Variants in NDUFS7 observed in about 807,000 individuals in gnomAD.
NDUFS7 encodes NADH:ubiquinone oxidoreductase core subunit S7.
Under a neutral mutation model 31.1 loss-of-function variants are expected in NDUFS7, and 11 were observed. The ratio of observed to expected loss-of-function variants is 0.35; its 90% CI spans 0.22 to 0.59. NDUFS7 has a LOEUF of 0.59. Among genes scored for constraint, NDUFS7 ranks in the 20% least tolerant of loss-of-function variants. The probability of loss-of-function intolerance (pLI) is 0.79; values close to 1 mark genes in which losing one functional copy is unlikely to be tolerated. For missense variants in NDUFS7, 263 were observed against 324.2 expected (o/e 0.81, Z 1.45); for synonymous variants, 136 against 127.9 (o/e 1.06, Z -0.43).
intron 4 of NDUFS7, chr19:1,390,499 C>T (rs62127623): frequency 0.12 from 40,921 of 353,786 alleles, 2,896 homozygotes; most frequent in South Asian, 0.14. Flanking sequence ...GTATGTGGAC[C>T]CAGATCTAGT....
chr19:1,389,900 T>C (rs546336534), intron 4 of NDUFS7: 1 of 209,448 alleles, frequency 4.8e-6, no homozygotes, highest in Admixed American at 5.5e-5. Flanking sequence ...TCTTTTTCTT[T>C]TCTTTTCTTT....
At chr19:1,386,979 A>C (rs1007145820) in intron 1 of NDUFS7, 1 of 152,406 alleles carries the variant, frequency 6.6e-6, no homozygotes, top group Non-Finnish European at 1.5e-5. Flanking sequence ...CCTCCCGCTG[A>C]GTGCCCCGGG....
At chr19:1,388,210 G>A (rs2144612192) in intron 2 of NDUFS7, 1 of 588,182 alleles carries the variant, frequency 1.7e-6, no homozygotes, top group East Asian at 2.8e-5. Context: ...CATGCCCAGG[G>A]ATCTTACCTT....
rs2082589933 is a variant in NDUFS7 at position 1,395,390 on chromosome 19, G to A, written c.545-1G>A. ...GCGAGACTGAGGCAAGGTCCCTGCA[G>A]GCTGCCCACCTACGGCCGAGGCCCT... On this transcript the variant is annotated splice_acceptor_variant, in intron 7 of 7. Coordinates refer to ENST00000233627, the MANE Select transcript of NDUFS7 (RefSeq NM_024407.5). LOFTEE classifies it high-confidence loss of function. 6.3e-7 allele frequency: 1 copy of A among 1,599,468 alleles called. No homozygotes were observed. The highest frequency in any genetic ancestry group is 8.5e-7 in the Non-Finnish European group (1 of 1,174,898).
At chr19:1,389,151 T>C (rs976049550) in intron 4 of NDUFS7, 2 of 701,522 alleles carry the variant, frequency 2.9e-6, no homozygotes, top group Non-Finnish European at 5.2e-6. Context: ...ATATGCACAC[T>C]CGCACACATG....
intron 1 of NDUFS7, chr19:1,384,205 G>A: frequency 2.0e-6 from 1 of 500,634 alleles, no homozygotes; most frequent in South Asian, 3.0e-5. Context: ...TCGGGGTGGA[G>A]GCTGGAGGGG....
rs2082529146 is a variant in NDUFS7, at chr19:1,388,913, A to G, written c.203A>G (p.Asp68Gly). 3.1e-6 allele frequency: 5 copies of G among 1,609,602 alleles called. No individual in the cohort carries two copies. The South Asian group carries it at 5.5e-5, about 18-fold the overall frequency. The change falls in exon 4 of 8, where the codon GAT becomes GGT. Residue 68 changes from aspartate to glycine, a missense_variant. By Grantham distance (94) the Asp-to-Gly change is moderately conservative (BLOSUM62 -1). Transcript: ENST00000233627. ...SRGEYVVAKL[D>G]DLVNWARRSS... ...GGCGAGTATGTGGTGGCCAAGCTGG[A>G]TGACCTCGTCAACTGGGCCCGCCGG... is the stretch of plus-strand genomic sequence containing the variant.
At chr19:1,389,691 TC>T (rs1168730379) in intron 4 of NDUFS7, 14 of 361,846 alleles carry the variant, frequency 3.9e-5, no homozygotes, top group South Asian at 2.4e-4. Context: ...GCCCCTGCCA[TC>T]CCCCTGCAGC....
chr19:1,394,751 G>A (rs1038544224), intron 7 of NDUFS7: 1 of 1,186,174 alleles, frequency 8.4e-7, no homozygotes, highest in Admixed American at 3.7e-5. Context: ...GCTCTGCCAG[G>A]TGGGGCCTGG....
chr19:1,384,619 C>T (rs2144604927), intron 1 of NDUFS7, among the ~76,000 whole-genome samples: 1 of 152,318 alleles, frequency 6.6e-6, no homozygotes, highest in Middle Eastern at 3.4e-3. Flanking sequence ...CTAAGTGCTT[C>T]CCTTATGAAC....
At position 1,388,554 on chromosome 19, in the gene NDUFS7, G is replaced by A. The variant is rs369358034; in HGVS notation, c.83G>A (p.Arg28Gln). Residue 28 changes from arginine (R) to glutamine (Q), a missense_variant, in exon 3 of 8, where the codon CGA becomes CAA. Arg to Gln is a conservative substitution (Grantham distance 43). Coordinates refer to ENST00000233627, the MANE Select transcript of NDUFS7 (RefSeq NM_024407.5). ...RSSVGPAVQA[R>Q]GVHQSVATDG... Reference sequence around the variant, plus strand: ...AGCGTGGGCCCGGCTGTGCAGGCACGAGGTGTCCATCAGAGCGTGGCCACC... The same window carrying A: ...AGCGTGGGCCCGGCTGTGCAGGCACAAGGTGTCCATCAGAGCGTGGCCACC... The A allele has an allele frequency of 3.1e-6, 5 of 1,611,828 alleles. No homozygotes were observed. Among genetic ancestry groups the A allele is most frequent in the East Asian group, 2.2e-5 (1 of 44,868 alleles).
rs778935099 is a variant in NDUFS7, at chr19:1,395,505, G to A, written c.*17G>A. On this transcript the variant is annotated 3_prime_UTR_variant, in exon 8 of 8. Transcript: ENST00000233627. ...CGCAGGTAGCGCCGCCGCCGCCGCC[G>A]CCGGAGCCTGTCGCCGTCCTGTCCC... 5.1e-5 allele frequency: 80 copies of A among 1,561,806 alleles called. No individual in the cohort carries two copies. In the African/African-American group the frequency reaches 7.2e-4, roughly 14 times the overall value.
At chr19:1,385,446 G>A (rs2082501414) in intron 1 of NDUFS7, among the ~76,000 whole-genome samples, 2 of 152,136 alleles carry the variant, frequency 1.3e-5, no homozygotes, top group South Asian at 4.1e-4. Flanking sequence ...CCGGGAGGCG[G>A]AGGTTGCAGT....
Position 1,384,251 on chromosome 19 carries a change from C to T in NDUFS7, c.16+309C>T, listed in dbSNP as rs146522353. ...GTCCCCGAGACCAGGGCACGGCCCG[C>T]GAGGCTGCTCTTGAGATGCCCTGGA... On this transcript the variant is annotated intron_variant, in intron 1 of 7. Transcript: ENST00000233627. The T allele has an allele frequency of 5.0e-3, 2,268 of 453,912 alleles. 5 individuals are homozygous for T. Among genetic ancestry groups the T allele is most frequent in the Middle Eastern group, 7.6e-3 (13 of 1,718 alleles). The allele number at this position is 453,912 out of a possible 1,614,324, so 28.1% of individuals were successfully genotyped here.
chr19:1,388,021 T>C, intron 2 of NDUFS7, 174 bp downstream of exon 2: 1 of 706,440 alleles, frequency 1.4e-6, no homozygotes, highest in South Asian at 1.7e-5. Context: ...GGACCCTCCC[T>C]GGGACAGTCC....
chr19:1,390,857 C>T lies in NDUFS7; in HGVS notation c.229-14C>T. 1 of 1,605,230 alleles carries T rather than the reference C, an allele frequency of 6.2e-7. No homozygotes were observed. The highest frequency in any genetic ancestry group is 8.5e-7 in the Non-Finnish European group (1 of 1,179,308). Reference sequence around the variant, plus strand: ...CTCCGGGGGTGGCGTCTGACCCGAGCCCGGCCTCCGCAGAGTTCTCTGTGG... The same window carrying T: ...CTCCGGGGGTGGCGTCTGACCCGAGTCCGGCCTCCGCAGAGTTCTCTGTGG... On this transcript the variant is annotated splice_polypyrimidine_tract_variant and intron_variant, in intron 4 of 7. Transcript: ENST00000233627.
chr19:1,393,218 C>A lies in NDUFS7; in HGVS notation c.456-24C>A, dbSNP rs375331125. 6.5e-6 allele frequency: 10 copies of A among 1,543,898 alleles called. No individual in the cohort carries two copies. The East Asian group carries it at 2.2e-4, about 34-fold the overall frequency. The stretch of plus-strand genomic sequence containing the variant: ...TGGGCAGGCGGGTCTTCGGCACACT[C>A]CCCTCACGGTGCCTCCCCAACAGCT... On this transcript the variant is annotated intron_variant, in intron 6 of 7. Coordinates refer to ENST00000233627, the MANE Select transcript of NDUFS7 (RefSeq NM_024407.5). The surrounding 1 kb of genome is among the most constrained non-coding windows in gnomAD (Gnocchi z 7.3).
intron 7 of NDUFS7, chr19:1,394,354 T>C: frequency 7.8e-7 from 1 of 1,287,620 alleles, no homozygotes; most frequent in Non-Finnish European, 1.0e-6. Flanking sequence ...CCTGGCGTCT[T>C]CCCCTGCAGT....
chr19:1,385,454 A>G (rs1025813362), intron 1 of NDUFS7, among the ~76,000 whole-genome samples: 3 of 152,136 alleles, frequency 2.0e-5, no homozygotes, highest in African/African-American at 7.2e-5. Flanking sequence ...CGGAGGTTGC[A>G]GTGAGCTAAG....
Sources: allele counts gnomAD v4.1 joint callset (sites outside exome capture counted in the v4.1 genomes callset), GRCh38; gene constraint gnomAD v4.1.1; non-coding constraint Gnocchi (gnomAD v3.1); transcripts MANE v1.5; gene names NCBI Gene and HGNC (gene_info 2026-07-23, HGNC 2026-07-21).